SPG11: variants seen among roughly 807,000 people sequenced by gnomAD.
SPG11 encodes spatacsin.
A neutral mutation model predicts 274.0 loss-of-function variants in SPG11; 222 were observed. The ratio of observed to expected loss-of-function variants is 0.81; its 90% confidence interval spans 0.73 to 0.91. The LOEUF (loss-of-function observed/expected upper bound fraction) is 0.91, where lower values mean the gene tolerates loss of function less well. SPG11 is among the 40% of genes least tolerant of loss of function. The pLI is 0.00. For synonymous variants in SPG11, 1,144 were observed against 1,039.7 expected (o/e 1.10, Z -1.93); for missense variants, 3,114 against 2,872.7 (o/e 1.08, Z -1.92).
chr15:44,630,609 T>G (rs931363807), intron 8 of SPG11, among the ~76,000 whole-genome samples: 1 of 152,152 alleles, frequency 6.6e-6, no homozygotes, highest in African/African-American at 2.4e-5. Context: ...GAGACGGCGT[T>G]TCACTTGTCC....
intron 18 of SPG11, among the ~76,000 whole-genome samples, chr15:44,609,639 G>A (rs766165127): frequency 2.6e-5 from 4 of 151,756 alleles, no homozygotes; most frequent in Non-Finnish European, 5.9e-5. Context: ...GATCCTAATT[G>A]TATTCTGAAA....
chr15:44,572,648 G>A (rs540399491), intron 33 of SPG11, 35 bp downstream of exon 33: 4 of 1,613,266 alleles, frequency 2.5e-6, no homozygotes, highest in South Asian at 1.1e-5. Flanking sequence ...ACCTGTTTAG[G>A]GCCAAAATAT....
chr15:44,638,500 ACCC>A (rs11479753), intron 7 of SPG11, among the ~76,000 whole-genome samples: 2 of 129,126 alleles, frequency 1.5e-5, no homozygotes, highest in Non-Finnish European at 3.3e-5. Flanking sequence ...AAACCACAAA[ACCC>A]CCCCCCCCAA....
Position 44,621,944 on chromosome 15 carries a change from G to A in SPG11, c.2445-10C>T. On this transcript the variant is annotated splice_polypyrimidine_tract_variant and intron_variant, in intron 13 of 39. Coordinates refer to ENST00000261866, the MANE Select transcript of SPG11 (RefSeq NM_025137.4). ...TTCCTTTATCCAGTACCTAAAAACA[G>A]TGATATAAATTTTTTTTTTTTTAAT... 1 of 1,596,030 alleles carries A rather than the reference G, an allele frequency of 6.3e-7. No individual in the cohort carries two copies. The highest frequency in any genetic ancestry group is 8.5e-7 in the Non-Finnish European group (1 of 1,172,110).
intron 8 of SPG11, among the ~76,000 whole-genome samples, chr15:44,630,543 G>C (rs987558377): frequency 1.3e-5 from 2 of 152,182 alleles, no homozygotes; most frequent in African/African-American, 4.8e-5. Flanking sequence ...AGAAAGAGGA[G>C]ACCAAACTCT....
rs201600828 is a variant in SPG11 at position 44,597,110 on chromosome 15, C to CTTTT, written c.4002-171_4002-168dup. On this transcript the variant is annotated intron_variant, in intron 23 of 39. Transcript: ENST00000261866. ...TAGGCTACTTTGAAAAAAGTAGATT[C>CTTTT]TTTTTTTTTTTTTTTTTTTTGAGAC... The CTTTT allele has an allele frequency of 5.8e-5, 20 of 345,698 alleles. 1 individual carries two copies. Among genetic ancestry groups the CTTTT allele is most frequent in the South Asian group, 1.2e-4 (5 of 41,114 alleles). The allele number at this position is 345,698 out of a possible 1,614,324, so 21.4% of individuals were successfully genotyped here.
At chr15:44,657,036 T>G (rs2084960119) in intron 4 of SPG11, 59 bp downstream of exon 4, 1 of 1,467,186 alleles carries the variant, frequency 6.8e-7, no homozygotes, top group African/African-American at 1.4e-5. Context: ...GAGGATATTT[T>G]TAACCTCTTA....
At chr15:44,575,265 A>T in intron 30 of SPG11, 1 of 546,016 alleles carries the variant, frequency 1.8e-6, no homozygotes, top group Non-Finnish European at 3.3e-6. Flanking sequence ...TGCTACAAAG[A>T]TCAAGGCCAC....
chr15:44,621,330 T>C (rs528611737), intron 14 of SPG11: 1 of 155,514 alleles, frequency 6.4e-6, no homozygotes, highest in African/African-American at 2.4e-5. Context: ...AAGAAAAAAA[T>C]AAATTAAAAA....
chr15:44,620,410 G>A lies in SPG11; in HGVS notation c.2621-7C>T, dbSNP rs1567168246. 6.3e-7 allele frequency: 1 copy of A among 1,582,802 alleles called. No homozygotes were observed. Among genetic ancestry groups the A allele is most frequent in the Admixed American group, 1.7e-5 (1 of 57,472 alleles). On this transcript the variant is annotated splice_region_variant and splice_polypyrimidine_tract_variant and intron_variant, in intron 14 of 39. Coordinates refer to ENST00000261866, the MANE Select transcript of SPG11 (RefSeq NM_025137.4). ...GGGGAATATGATTTGTATTCTACAT[G>A]AAAAAAAACACATTTTAAAATATAA...
intron 20 of SPG11, among the ~76,000 whole-genome samples, chr15:44,605,039 G>A (rs2083287048): frequency 6.6e-6 from 1 of 151,768 alleles, no homozygotes; most frequent in South Asian, 2.1e-4. Flanking sequence ...AAAACAGCAG[G>A]GAACATGCTT....
intron 5 of SPG11, 93 bp from the exon 6 acceptor site, chr15:44,652,032 A>G: frequency 2.5e-6 from 4 of 1,572,962 alleles, no homozygotes; most frequent in East Asian, 2.2e-5. Flanking sequence ...TTAAAAAAAA[A>G]AAGTATCTAT....
chr15:44,659,823 G>C (rs1413779217), intron 2 of SPG11, among the ~76,000 whole-genome samples: 3 of 152,218 alleles, frequency 2.0e-5, no homozygotes, highest in African/African-American at 4.8e-5. Flanking sequence ...CACTTTGGGA[G>C]GCCCAGGTGG....
intron 12 of SPG11, 122 bp from the exon 13 acceptor site, chr15:44,622,469 G>C: frequency 1.2e-6 from 1 of 851,778 alleles, no homozygotes; most frequent in Non-Finnish European, 1.8e-6. Flanking sequence ...AAAGTCATGA[G>C]ATAATATGCC....
chr15:44,615,049 A>G (rs2083558604), intron 16 of SPG11, among the ~76,000 whole-genome samples: 3 of 151,994 alleles, frequency 2.0e-5, no homozygotes. Flanking sequence ...ATCAAAGAAA[A>G]CTCCAAGTAA....
In SPG11 at chr15:44,660,618, T is replaced by C. The variant is rs781665076; in HGVS notation, c.258-2A>G. 6.2e-7 allele frequency: 1 copy of C among 1,613,888 alleles called. No individual in the cohort carries two copies. The highest frequency in any genetic ancestry group is 8.5e-7 in the Non-Finnish European group (1 of 1,179,904). ...TTACGAGAATCCTCCCATAGAAAGC[T>C]AAGAAAAAAAGTTTAGATTTATTAT... On this transcript the variant is annotated splice_acceptor_variant, in intron 1 of 39. Transcript: ENST00000261866. LOFTEE classifies it high-confidence loss of function.
chr15:44,618,056 C>T (rs958285523), intron 15 of SPG11, among the ~76,000 whole-genome samples: 18 of 151,942 alleles, frequency 1.2e-4, no homozygotes, highest in Non-Finnish European at 1.2e-4. Context: ...AAAAAATAAC[C>T]GCTGGGATTT....
chr15:44,644,371 C>T (rs554110258), intron 7 of SPG11, among the ~76,000 whole-genome samples: 1 of 152,240 alleles, frequency 6.6e-6, no homozygotes, highest in South Asian at 2.1e-4. Flanking sequence ...CTCCCTTCAA[C>T]ATCCCTTCAT....
At chr15:44,617,952 A>G (rs1037858310) in intron 15 of SPG11, among the ~76,000 whole-genome samples, 2 of 152,040 alleles carry the variant, frequency 1.3e-5, no homozygotes, top group African/African-American at 2.4e-5. Flanking sequence ...CTGGGATTAC[A>G]GGTGTGAGCC....
Sources: allele counts gnomAD v4.1 joint callset (sites outside exome capture counted in the v4.1 genomes callset), GRCh38; gene constraint gnomAD v4.1.1; transcripts MANE v1.5; gene names NCBI Gene and HGNC (gene_info 2026-07-23, HGNC 2026-07-21).